Variants in TMPRSS11A observed in about 807,000 individuals in gnomAD.
TMPRSS11A encodes the protein transmembrane protease serine 11A.
Under a neutral mutation model 58.9 loss-of-function variants are expected in TMPRSS11A, and 53 were observed. The ratio of observed to expected loss-of-function variants is 0.90; its 90% CI spans 0.72 to 1.13. The LOEUF is 1.13. Ranked by LOEUF, TMPRSS11A falls within the 50% of genes most tolerant of loss-of-function variation. The pLI, the probability that TMPRSS11A is intolerant of heterozygous loss-of-function variation, is 0.00. For synonymous variants in TMPRSS11A, 167 were observed against 169.8 expected, an observed-to-expected ratio of 0.98 and a Z score of 0.13; for missense variants, 493 against 499.3, an observed-to-expected ratio of 0.99 and a Z score of 0.12.
chr4:67,962,752 C>G (rs1308208509), intron 1 of TMPRSS11A, among the ~76,000 whole-genome samples: 1 of 152,182 alleles, frequency 6.6e-6, no homozygotes, highest in African/African-American at 2.4e-5. Flanking sequence ...ATTCTTTGCA[C>G]ATGGCATACC....
chr4:67,954,216 G>A (rs545732618), intron 1 of TMPRSS11A, among the ~76,000 whole-genome samples: 1 of 152,194 alleles, frequency 6.6e-6, no homozygotes, highest in Non-Finnish European at 1.5e-5. Context: ...ACAGAAAAAG[G>A]GAAAAATTAA....
chr4:67,914,805 A>G (rs1720104513), intron 8 of TMPRSS11A, 75 bp from the exon 9 acceptor site: 1 of 1,280,228 alleles, frequency 7.8e-7, no homozygotes, highest in Admixed American at 2.3e-5. Context: ...AGACTTTCCT[A>G]ATATTTTTTT....
intron 1 of TMPRSS11A, among the ~76,000 whole-genome samples, chr4:67,959,948 T>A (rs1380247397): frequency 6.6e-6 from 1 of 152,200 alleles, no homozygotes; most frequent in Non-Finnish European, 1.5e-5. Context: ...TTCAGTTTTT[T>A]AAAATGTGTT....
At chr4:67,963,002 G>A (rs539058232) in intron 1 of TMPRSS11A, among the ~76,000 whole-genome samples, 1 of 152,136 alleles carries the variant, frequency 6.6e-6, no homozygotes, top group African/African-American at 2.4e-5. Context: ...AAGAGAAAAC[G>A]CTATAGAAGC....
chr4:67,945,520 C>T (rs1720982083), intron 2 of TMPRSS11A, among the ~76,000 whole-genome samples: 1 of 152,198 alleles, frequency 6.6e-6, no homozygotes, highest in Non-Finnish European at 1.5e-5. Flanking sequence ...ACAAACCTTA[C>T]TCTCATTGTA....
At chr4:67,949,865 G>A (rs1721118931) in intron 1 of TMPRSS11A, among the ~76,000 whole-genome samples, 1 of 152,000 alleles carries the variant, frequency 6.6e-6, no homozygotes, top group Admixed American at 6.6e-5. Context: ...TCAAAAAAAA[G>A]TATCATCACC....
chr4:67,951,080 C>A (rs1242348031), intron 1 of TMPRSS11A, among the ~76,000 whole-genome samples: 1 of 152,216 alleles, frequency 6.6e-6, no homozygotes, highest in Non-Finnish European at 1.5e-5. Context: ...ACAGATGATC[C>A]TTATTCACAG....
intron 1 of TMPRSS11A, among the ~76,000 whole-genome samples, chr4:67,961,852 A>G (rs1481235066): frequency 1.3e-5 from 2 of 152,056 alleles, no homozygotes; most frequent in East Asian, 3.9e-4. Flanking sequence ...GTCTGGAACA[A>G]TGGCATTGAC....
rs994435008 is a variant in TMPRSS11A at position 67,944,629 on chromosome 4, T to G, written c.142A>C (p.Lys48Gln). ...LVHFLVFDQK[K>Q]EYYHGSFKIL... ...TTAAAGGAGCCATGATAGTACTCCT[T>G]TTTTTGGTCTGCAATGGAAATGAAA... The change falls in exon 3 of 10, where the codon AAG becomes CAG. Residue 48 changes from lysine to glutamine, a missense_variant. Lys to Gln is a moderately conservative substitution (Grantham distance 53). Coordinates refer to ENST00000508048, the MANE Select transcript of TMPRSS11A (RefSeq NM_001114387.2). The G allele has an allele frequency of 1.2e-6, 2 of 1,610,168 alleles. No homozygotes were observed. Among genetic ancestry groups the G allele is most frequent in the Non-Finnish European group, 1.7e-6 (2 of 1,178,454 alleles).
intron 1 of TMPRSS11A, among the ~76,000 whole-genome samples, chr4:67,950,205 A>G (rs1473996353): frequency 6.6e-6 from 1 of 152,066 alleles, no homozygotes; most frequent in Admixed American, 6.5e-5. Context: ...CTGCTTTCTC[A>G]TCTGAAATTT....
intron 1 of TMPRSS11A, among the ~76,000 whole-genome samples, chr4:67,962,649 T>G (rs775394197): frequency 6.6e-5 from 10 of 152,244 alleles, no homozygotes; most frequent in Non-Finnish European, 1.0e-4. Context: ...AGTACAAGTC[T>G]AAACAATGGT....
rs1719939037 is a variant in TMPRSS11A at position 67,910,590 on chromosome 4, A to G, written c.*752T>C. ...ATGAAATTACCATCACCTTCTCCCAAATTTTTAACAAATATATAGTTTTGA... is the reference window on the plus strand; with the variant it reads ...ATGAAATTACCATCACCTTCTCCCAGATTTTTAACAAATATATAGTTTTGA... On this transcript the variant is annotated 3_prime_UTR_variant, in exon 10 of 10. Coordinates refer to ENST00000508048, the MANE Select transcript of TMPRSS11A (RefSeq NM_001114387.2). 1 of 152,166 alleles carries G rather than the reference A, an allele frequency of 6.6e-6. No individual in the cohort carries two copies. The highest frequency in any genetic ancestry group is 2.1e-4 in the South Asian group (1 of 4,818). The allele number at this position is 152,166 out of a possible 1,614,324, so 9.4% of individuals were successfully genotyped here.
chr4:67,945,001 T>C (rs1314314746), intron 2 of TMPRSS11A, among the ~76,000 whole-genome samples: 1 of 152,202 alleles, frequency 6.6e-6, no homozygotes, highest in Non-Finnish European at 1.5e-5. Flanking sequence ...AGTCTAGCTG[T>C]AGAGCTTGAA....
chr4:67,913,056 G>A (rs900663431), intron 9 of TMPRSS11A, among the ~76,000 whole-genome samples: 2 of 152,028 alleles, frequency 1.3e-5, no homozygotes, highest in Admixed American at 6.5e-5. Context: ...TCCTTCCACT[G>A]GATTTTAAAA....
intron 5 of TMPRSS11A, among the ~76,000 whole-genome samples, chr4:67,926,640 T>G (rs1034198513): frequency 1.3e-5 from 2 of 152,156 alleles, no homozygotes; most frequent in African/African-American, 4.8e-5. Flanking sequence ...ACATTGCCAT[T>G]CTTGACCATG....
At chr4:67,926,910 A>G (rs1720488193) in intron 5 of TMPRSS11A, among the ~76,000 whole-genome samples, 2 of 151,962 alleles carry the variant, frequency 1.3e-5, no homozygotes, top group South Asian at 4.1e-4. Flanking sequence ...TCTAGGGCCT[A>G]CTGCCTACTG....
intron 3 of TMPRSS11A, among the ~76,000 whole-genome samples, chr4:67,939,838 G>T (rs1463830583): frequency 1.3e-5 from 2 of 151,990 alleles, no homozygotes; most frequent in East Asian, 1.9e-4. Flanking sequence ...ACAGGCACCT[G>T]CCACCATGCC....
At chr4:67,936,810 A>T (rs569246988) in intron 3 of TMPRSS11A, among the ~76,000 whole-genome samples, 1 of 152,358 alleles carries the variant, frequency 6.6e-6, no homozygotes, top group Non-Finnish European at 1.5e-5. Context: ...AAAGATTTGC[A>T]ATTAAGGATT....
chr4:67,956,801 C>A (rs188408621), intron 1 of TMPRSS11A, among the ~76,000 whole-genome samples: 27 of 152,278 alleles, frequency 1.8e-4, no homozygotes, highest in African/African-American at 6.5e-4. Flanking sequence ...TATCTATCAA[C>A]TATTATTCCT....
Sources: gnomAD v4.1 joint callset for allele counts (sites outside exome capture counted in the v4.1 genomes callset) on GRCh38, gnomAD v4.1.1 for gene constraint, MANE v1.5 for transcripts, NCBI Gene and HGNC (gene_info 2026-07-23, HGNC 2026-07-21) for gene names.